The following PWP2 variants were observed in gnomAD, a reference collection of about 807,000 sequenced individuals.
The protein encoded by PWP2 is periodic tryptophan protein 2 homolog.
For synonymous variants in PWP2, 24 were observed against 45.4 expected, an observed-to-expected ratio of 0.53 and a Z score of 1.89; for missense variants, 35 against 114.1, an observed-to-expected ratio of 0.31 and a Z score of 3.16.
At position 44,109,067 on chromosome 21, in the gene PWP2, C is replaced by T. The variant is rs755551696; in HGVS notation, c.102C>T (p.Gly34=). 1.0e-5 allele frequency: 6 copies of T among 578,532 alleles called. 2 individuals carry two copies. The highest frequency in any genetic ancestry group is 1.7e-5 in the Non-Finnish European group (6 of 347,294). The allele number at this position is 578,532 out of a possible 1,614,324, so 35.8% of individuals were successfully genotyped here. A position where few individuals can be genotyped will look rare whatever the true frequency, so the allele number is the denominator to read the frequency against. ...GAAATTCAGTTATCAGTCCCGTGGG[C>T]AATAGAGTCACTGTATTTGACCTTA... is the stretch of plus-strand genomic sequence containing the variant. The part of the protein sequence containing the change: ...CDGNSVISPV[G]NRVTVFDLKN... The change falls in exon 2 of 21, where the codon GGC becomes GGT. Residue 34 remains glycine (G), a synonymous_variant. Coordinates refer to ENST00000291576, the MANE Select transcript of PWP2 (RefSeq NM_005049.3).
chr21:44,112,536 G>A (rs548716351), intron 2 of PWP2, among the ~76,000 whole-genome samples: 1 of 44,328 alleles, frequency 2.3e-5, no homozygotes, highest in South Asian at 6.9e-4. Context: ...CAGTACACAC[G>A]AACAGACTAC....
chr21:44,116,855 C>T (rs924112222), intron 7 of PWP2, among the ~76,000 whole-genome samples: 1 of 11,870 alleles, frequency 8.4e-5, no homozygotes, highest in African/African-American at 1.5e-4. Context: ...GTGGGGAAGG[C>T]GCCCACACAA....
Position 44,119,594 on chromosome 21 carries a change from C to T in PWP2, c.1188+71C>T, listed in dbSNP as rs375765548. 8 of 345,860 alleles carry T rather than the reference C, an allele frequency of 2.3e-5. 2 individuals are homozygous for T. The highest frequency in any genetic ancestry group is 3.9e-5 in the African/African-American group (2 of 51,012). The allele number at this position is 345,860 out of a possible 1,614,324, so 21.4% of individuals were successfully genotyped here. ...GTGAAGATGCAGTGGTCTGTGGGGC[C>T]GTGTCTTGACGGTAGGGCTGGTGTT... On this transcript the variant is annotated intron_variant, in intron 10 of 20. Coordinates refer to ENST00000291576, the MANE Select transcript of PWP2 (RefSeq NM_005049.3).
intron 10 of PWP2, 131 bp downstream of exon 10, chr21:44,119,654 G>T: frequency 8.2e-6 from 1 of 121,846 alleles, no homozygotes; most frequent in Admixed American, 1.5e-4. Context: ...CTCAGTAGGC[G>T]TTTAAAAACA....
At chr21:44,118,737 C>G in intron 8 of PWP2, 26 bp from the exon 9 acceptor site, 1 of 608,850 alleles carries the variant, frequency 1.6e-6, no homozygotes, top group African/African-American at 1.6e-5. Context: ...AGGCTGGCCT[C>G]CCACTTACAG....
rs1433566542 is a variant in PWP2 at position 44,117,107 on chromosome 21, C to T, written c.837-713C>T. On this transcript the variant is annotated intron_variant, in intron 7 of 20. Transcript: ENST00000291576. The stretch of plus-strand genomic sequence containing the variant: ...CAGTGCCCGCGGGTGGGTCAGTGCC[C>T]GTGAGTCCGTGCCCGTCAGTGCCCG... Among the ~76,000 whole-genome samples the T allele has an allele frequency of 5.6e-5, 4 of 71,892 alleles. 1 individual carries two copies. Among genetic ancestry groups the T allele is most frequent in the East Asian group, 8.8e-4 (2 of 2,266 alleles). The allele number at this position is 71,892 out of a possible 152,430, so 47.2% of individuals were successfully genotyped here.
At position 44,120,362 on chromosome 21, in the gene PWP2, C is replaced by T. The variant is rs1131297; in HGVS notation, c.1203C>T (p.Asn401=). 1 of 608,250 alleles carries T rather than the reference C, an allele frequency of 1.6e-6. No homozygotes were observed. The highest frequency in any genetic ancestry group is 1.8e-5 in the African/African-American group (1 of 54,990). 37.7% of individuals were successfully genotyped at this position (608,250 alleles called of 1,614,324 possible). The change falls in exon 11 of 21, where the codon AAC becomes AAT. Residue 401 remains asparagine (N), a synonymous_variant. Coordinates refer to ENST00000291576, the MANE Select transcript of PWP2 (RefSeq NM_005049.3). ...GGDDGKVKVW[N]TLSGFCFVTF... ...TCCTGCCTCAGGTCAAGGTGTGGAA[C>T]ACCCTCAGCGGCTTCTGCTTCGTCA...
intron 20 of PWP2, among the ~76,000 whole-genome samples, chr21:44,128,871 G>A (rs570370374): frequency 1.3e-5 from 1 of 75,588 alleles, no homozygotes; most frequent in South Asian, 3.4e-4. Flanking sequence ...CAGGTGGCGC[G>A]CTCCAGGTGC....
rs756555 is a variant in PWP2, at chr21:44,118,901, A to T, written c.1051+68A>T. On this transcript the variant is annotated intron_variant, in intron 9 of 20. Transcript: ENST00000291576. ...GGACCAGTGCTGCCCGGCTACAGGC[A>T]TACTTGACAGCCACCCACTGGGGGT... The T allele has an allele frequency of 6.5e-3, 2,926 of 451,162 alleles. 1,047 individuals are homozygous for T. In the East Asian group the frequency reaches 0.079, roughly 12 times the overall value. The allele number at this position is 451,162 out of a possible 1,614,324, so 27.9% of individuals were successfully genotyped here. A position where few individuals can be genotyped will look rare whatever the true frequency, so the allele number is the denominator to read the frequency against.
At chr21:44,118,369 A>G (rs926546059) in intron 8 of PWP2, among the ~76,000 whole-genome samples, 5 of 17,264 alleles carry the variant, frequency 2.9e-4, no homozygotes, top group African/African-American at 5.0e-4. Context: ...GCGGTGGCGT[A>G]ATTCGGTTCA....
In PWP2 at chr21:44,124,528, C is replaced by T. The variant is rs371474322; in HGVS notation, c.1818-52C>T. The T allele has an allele frequency of 2.3e-5, 3 of 131,536 alleles. 1 individual carries two copies. Among genetic ancestry groups the T allele is most frequent in the East Asian group, 2.6e-4 (2 of 7,740 alleles). 8.1% of individuals were successfully genotyped at this position (131,536 alleles called of 1,614,324 possible). ...CTAAAGTTGGTTTTTAGGAGCCATA[C>T]GCTGAGGTTTCCGTGGTGGCCACCG... On this transcript the variant is annotated intron_variant, in intron 14 of 20. Transcript: ENST00000291576.
intron 17 of PWP2, 152 bp from the exon 18 acceptor site, chr21:44,127,780 G>T: frequency 1.3e-5 from 1 of 76,074 alleles, no homozygotes; most frequent in Non-Finnish European, 3.8e-5. Flanking sequence ...GTGGGGTGGG[G>T]GCTAGAGGCA....
intron 8 of PWP2, among the ~76,000 whole-genome samples, chr21:44,118,466 G>A (rs2039264764): frequency 2.9e-5 from 1 of 34,710 alleles, no homozygotes; most frequent in African/African-American, 5.5e-5. Context: ...CACTACACCC[G>A]GCTAGTTTTT....
Position 44,119,235 on chromosome 21 carries a change from G to A in PWP2, c.1052-152G>A, listed in dbSNP as rs572386843. 466 of 185,912 alleles carry A rather than the reference G, an allele frequency of 2.5e-3. 108 individuals carry two copies. The highest frequency in any genetic ancestry group is 9.7e-3 in the African/African-American group (408 of 42,214). 11.5% of individuals were successfully genotyped at this position (185,912 alleles called of 1,614,324 possible). A position where few individuals can be genotyped will look rare whatever the true frequency, so the allele number is the denominator to read the frequency against. On this transcript the variant is annotated intron_variant, in intron 9 of 20. Transcript: ENST00000291576. ...CACTGGCTGGTGAAGCTGCAGCATC[G>A]GGCAGTGGTCCCAGCCTATGCTTGG...
At chr21:44,117,169 G>C (rs965429268) in intron 7 of PWP2, among the ~76,000 whole-genome samples, 1 of 72,992 alleles carries the variant, frequency 1.4e-5, no homozygotes, top group African/African-American at 3.0e-5. Flanking sequence ...GTCAAGACTT[G>C]AATGGGGACT....
In PWP2 at chr21:44,112,935, G is replaced by A. The variant is rs1412814170; in HGVS notation, c.132-818G>A. Among the ~76,000 whole-genome samples, 5 of 49,644 alleles carry A rather than the reference G, an allele frequency of 1.0e-4. 2 individuals carry two copies. The highest frequency in any genetic ancestry group is 3.0e-4 in the Non-Finnish European group (5 of 16,802). The allele number at this position is 49,644 out of a possible 152,430, so 32.6% of individuals were successfully genotyped here. A position where few individuals can be genotyped will look rare whatever the true frequency, so the allele number is the denominator to read the frequency against. On this transcript the variant is annotated intron_variant, in intron 2 of 20. Coordinates refer to ENST00000291576, the MANE Select transcript of PWP2 (RefSeq NM_005049.3). ...AATGCATTTCACTAGAGTTCCTCCA[G>A]GGACAACGTCATTTCTTTTTCTTTT...
intron 14 of PWP2, among the ~76,000 whole-genome samples, chr21:44,122,942 AAAAAC>A (rs1056612206): frequency 2.9e-5 from 1 of 34,022 alleles, no homozygotes; most frequent in African/African-American, 5.0e-5. Context: ...ACCCTGTCTC[AAAAAC>A]AAAACAAACA....
Position 44,119,653 on chromosome 21 carries a change from C to T in PWP2, c.1188+130C>T, listed in dbSNP as rs143373180. On this transcript the variant is annotated intron_variant, in intron 10 of 20. Transcript: ENST00000291576. ...CACCCGGGCTCATGAGCTCAGTAGGCGTTTAAAAACATACAAAAATGTGAA... is the reference window on the plus strand; with the variant it reads ...CACCCGGGCTCATGAGCTCAGTAGGTGTTTAAAAACATACAAAAATGTGAA... 0.013 allele frequency: 1,534 copies of T among 120,954 alleles called. 255 individuals carry two copies. The highest frequency in any genetic ancestry group is 0.044 in the African/African-American group (1,382 of 31,684). 7.5% of individuals were successfully genotyped at this position (120,954 alleles called of 1,614,324 possible).
chr21:44,110,911 T>TA lies in PWP2; in HGVS notation c.131+1824dup, dbSNP rs768486148. Among the ~76,000 whole-genome samples the TA allele has an allele frequency of 1.1e-4, 6 of 53,676 alleles. 1 individual carries two copies. Among genetic ancestry groups the TA allele is most frequent in the Non-Finnish European group, 3.6e-4 (6 of 16,562 alleles). The allele number at this position is 53,676 out of a possible 152,430, so 35.2% of individuals were successfully genotyped here. A position where few individuals can be genotyped will look rare whatever the true frequency, so the allele number is the denominator to read the frequency against. On this transcript the variant is annotated intron_variant, in intron 2 of 20. Coordinates refer to ENST00000291576, the MANE Select transcript of PWP2 (RefSeq NM_005049.3). ...AGACTCTATCTAAAAATAAATAAATTAAAAAAAAAGAAAAAGATGCCATCG... is the reference window on the plus strand; with the variant it reads ...AGACTCTATCTAAAAATAAATAAATTAAAAAAAAAAGAAAAAGATGCCATCG...
Sources: allele counts gnomAD v4.1 joint callset (sites outside exome capture counted in the v4.1 genomes callset), GRCh38; gene constraint gnomAD v4.1.1; transcripts MANE v1.5; gene names NCBI Gene and HGNC (gene_info 2026-07-23, HGNC 2026-07-21).